Variants in DTX1 observed in about 807,000 individuals in gnomAD.
DTX1 encodes deltex E3 ubiquitin ligase 1.
Under a neutral mutation model 57.8 loss-of-function variants are expected in DTX1, and 26 were observed. The observed-to-expected ratio is 0.45, with a 90% CI of 0.33 to 0.62. The LOEUF (loss-of-function observed/expected upper bound fraction) is 0.62, where lower values mean the gene tolerates loss of function less well. DTX1 is among the 20% of genes least tolerant of loss of function. The pLI is 0.02. For missense variants in DTX1, 704 were observed against 895.3 expected (o/e 0.79, Z 2.73); for synonymous variants, 398 against 394.1 (o/e 1.01, Z -0.12).
chr12:113,080,661 A>C (rs951332930), intron 3 of DTX1, among the ~76,000 whole-genome samples: 5 of 152,148 alleles, frequency 3.3e-5, no homozygotes, highest in African/African-American at 1.2e-4. Flanking sequence ...TGGCATGTGT[A>C]ATACATAGTA....
At position 113,093,437 on chromosome 12, in the gene DTX1, A is replaced by AACC; in HGVS notation, c.1004-102_1004-101insACC. The stretch of plus-strand genomic sequence containing the variant: ...TGAGTGGGTGGGGCCCAAGAGCGCA[A>AACC]CCCTCCCACCCACCCGAGGGCCCCG... On this transcript the variant is annotated intron_variant, in intron 4 of 9. Transcript: ENST00000548759. This position sits in a 1 kb window ranked among gnomAD's most constrained non-coding sequence, Gnocchi z 4.2. The AACC allele has an allele frequency of 1.8e-6, 1 of 552,150 alleles. No individual in the cohort carries two copies. The highest frequency in any genetic ancestry group is 3.1e-6 in the Non-Finnish European group (1 of 319,676). 34.2% of individuals were successfully genotyped at this position (552,150 alleles called of 1,614,324 possible).
chr12:113,093,452 C>CCCCCA lies in DTX1; in HGVS notation c.1004-87_1004-86insCCCCA. On this transcript the variant is annotated intron_variant, in intron 4 of 9. Coordinates refer to ENST00000548759, the MANE Select transcript of DTX1 (RefSeq NM_004416.3). The surrounding 1 kb of genome is among the most constrained non-coding windows in gnomAD (Gnocchi z 4.2). ...CAAGAGCGCAACCCTCCCACCCACC[C>CCCCCA]GAGGGCCCCGGGATTCCCAGGGCCA... 9 of 1,153,924 alleles carry CCCCCA rather than the reference C, an allele frequency of 7.8e-6. No homozygotes were observed. Among genetic ancestry groups the CCCCCA allele is most frequent in the African/African-American group, 1.6e-5 (1 of 63,624 alleles). The allele number at this position is 1,153,924 out of a possible 1,614,324, so 71.5% of individuals were successfully genotyped here.
chr12:113,096,408 C>G (rs1950292608), intron 9 of DTX1, among the ~76,000 whole-genome samples: 2 of 133,208 alleles, frequency 1.5e-5, no homozygotes, highest in African/African-American at 2.9e-5. Context: ...CTGCTGCACT[C>G]CAGCCTGAGC....
At chr12:113,088,979 C>T (rs1950226660) in intron 3 of DTX1, among the ~76,000 whole-genome samples, 1 of 152,182 alleles carries the variant, frequency 6.6e-6, no homozygotes, top group Non-Finnish European at 1.5e-5. Context: ...TAAGCCACTG[C>T]ACTCTAGCCA....
rs1049650930 is a variant in DTX1 at position 113,097,930 on chromosome 12, T to C, written c.*991T>C. On this transcript the variant is annotated 3_prime_UTR_variant, in exon 10 of 10. Coordinates refer to ENST00000548759, the MANE Select transcript of DTX1 (RefSeq NM_004416.3). ...CGCCTCTGCTGATTGGCTGCCACGG[T>C]GGGAGTCAGCCAAGATTTAAAGGGA... 8 of 152,704 alleles carry C rather than the reference T, an allele frequency of 5.2e-5. No individual in the cohort carries two copies. The highest frequency in any genetic ancestry group is 1.9e-4 in the African/African-American group (8 of 41,468). 9.5% of individuals were successfully genotyped at this position (152,704 alleles called of 1,614,324 possible). A position where few individuals can be genotyped will look rare whatever the true frequency, so the allele number is the denominator to read the frequency against.
At chr12:113,069,766 G>A (rs552249058) in intron 2 of DTX1, among the ~76,000 whole-genome samples, 2 of 152,156 alleles carry the variant, frequency 1.3e-5, no homozygotes, top group Non-Finnish European at 2.9e-5. Flanking sequence ...GCTGCTGTGA[G>A]GACTGGGAGA....
At chr12:113,070,569 G>A (rs2044731876) in intron 2 of DTX1, among the ~76,000 whole-genome samples, 1 of 152,198 alleles carries the variant, frequency 6.6e-6, no homozygotes, top group Non-Finnish European at 1.5e-5. Flanking sequence ...CCTTCTCCAT[G>A]GAGTCAGCTG....
intron 2 of DTX1, among the ~76,000 whole-genome samples, chr12:113,073,239 C>T (rs2044749111): frequency 6.6e-6 from 1 of 152,172 alleles, no homozygotes; most frequent in Non-Finnish European, 1.5e-5. Flanking sequence ...ATCACAACCC[C>T]TCATTTTGCA....
At chr12:113,078,541 TG>T (rs1284279683) in intron 3 of DTX1, among the ~76,000 whole-genome samples, 1 of 152,230 alleles carries the variant, frequency 6.6e-6, no homozygotes, top group Non-Finnish European at 1.5e-5. Flanking sequence ...AGGAGAGCTA[TG>T]GTGCCTTCTC....
In DTX1 at chr12:113,096,928, G is replaced by A; in HGVS notation, c.1852G>A (p.Ala618Thr). ...AGCCCAGGGCGTATCCGAGGCTGCAGCCAAGGCTTGAGGCCCAAGGCTGCC... is the reference window on the plus strand; with the variant it reads ...AGCCCAGGGCGTATCCGAGGCTGCAACCAAGGCTTGAGGCCCAAGGCTGCC... ...LTAQGVSEAA[A>T]KA Residue 618 changes from alanine (A) to threonine (T), a missense_variant, in exon 10 of 10, where the codon GCC becomes ACC. This residue lies in a region of DTX1 where 168 missense variants were observed against 255.6 expected (regional missense o/e 0.66). Coordinates refer to ENST00000548759, the MANE Select transcript of DTX1 (RefSeq NM_004416.3). 6.2e-7 allele frequency: 1 copy of A among 1,610,694 alleles called. No homozygotes were observed. The highest frequency in any genetic ancestry group is 8.5e-7 in the Non-Finnish European group (1 of 1,179,700).
intron 2 of DTX1, among the ~76,000 whole-genome samples, chr12:113,065,953 G>A (rs561699625): frequency 5.3e-5 from 8 of 152,230 alleles, no homozygotes; most frequent in Admixed American, 1.3e-4. Flanking sequence ...CCAGGCCTCC[G>A]CCCGCCACCT....
intron 3 of DTX1, among the ~76,000 whole-genome samples, chr12:113,081,362 C>A (rs964684627): frequency 3.3e-5 from 5 of 152,156 alleles, no homozygotes; most frequent in Admixed American, 2.0e-4. Context: ...GATTTGAAAG[C>A]TACTGTTCTA....
chr12:113,078,641 G>A (rs11066490), intron 3 of DTX1, among the ~76,000 whole-genome samples: 6,665 of 152,206 alleles, frequency 0.044, 189 homozygotes, highest in Non-Finnish European at 0.055. Flanking sequence ...CAGGGTCACC[G>A]GGGAAGGGTA....
In DTX1 at chr12:113,058,084, C is replaced by T. The variant is rs1050715444; in HGVS notation, c.-109C>T. 18 of 1,428,366 alleles carry T rather than the reference C, an allele frequency of 1.3e-5. No homozygotes were observed. The Admixed American group carries it at 2.0e-4, about 16-fold the overall frequency. 88.5% of individuals were successfully genotyped at this position (1,428,366 alleles called of 1,614,324 possible). A position where few individuals can be genotyped will look rare whatever the true frequency, so the allele number is the denominator to read the frequency against. On this transcript the variant is annotated 5_prime_UTR_variant, in exon 2 of 10. In the 5' UTR this introduces an upstream ATG that the reference lacks. Coordinates refer to ENST00000548759, the MANE Select transcript of DTX1 (RefSeq NM_004416.3). Reference sequence around the variant, plus strand: ...ACCCAGAGTTAGAAAGGAGGCCAGACGGTCCTTGCTGTCCCCCTGGGGAGA... The same window carrying T: ...ACCCAGAGTTAGAAAGGAGGCCAGATGGTCCTTGCTGTCCCCCTGGGGAGA...
At chr12:113,086,408 G>C (rs1258395622) in intron 3 of DTX1, among the ~76,000 whole-genome samples, 1 of 152,180 alleles carries the variant, frequency 6.6e-6, no homozygotes, top group Non-Finnish European at 1.5e-5. Context: ...CAATCGGTGG[G>C]AAAGAAGTAA....
intron 2 of DTX1, among the ~76,000 whole-genome samples, chr12:113,066,536 A>T (rs573909763): frequency 2.0e-5 from 3 of 152,110 alleles, no homozygotes; most frequent in African/African-American, 7.2e-5. Flanking sequence ...TCAAAAAAAA[A>T]AAAAAGAATC....
chr12:113,087,362 G>A (rs908440282), intron 3 of DTX1, among the ~76,000 whole-genome samples: 1 of 152,182 alleles, frequency 6.6e-6, no homozygotes, highest in Non-Finnish European at 1.5e-5. Context: ...AAGGGGAAGT[G>A]AGGACCCCAG....
In DTX1 at chr12:113,057,977, A is replaced by G; in HGVS notation, c.-216A>G. The G allele has an allele frequency of 1.5e-6, 1 of 680,280 alleles. No homozygotes were observed. Among genetic ancestry groups the G allele is most frequent in the Non-Finnish European group, 2.4e-6 (1 of 419,546 alleles). 42.1% of individuals were successfully genotyped at this position (680,280 alleles called of 1,614,324 possible). A position where few individuals can be genotyped will look rare whatever the true frequency, so the allele number is the denominator to read the frequency against. On this transcript the variant is annotated 5_prime_UTR_variant, in exon 2 of 10. Transcript: ENST00000548759. ...TCCAGGGCAGCACCCTTTATCGGAG[A>G]AGGCTCTACAGGGAAGGGGTCTTTG... is the stretch of plus-strand genomic sequence containing the variant.
intron 2 of DTX1, among the ~76,000 whole-genome samples, chr12:113,069,076 G>A (rs1566014708): frequency 6.6e-6 from 1 of 152,192 alleles, no homozygotes; most frequent in Admixed American, 6.5e-5. Context: ...TGGCTGAAGA[G>A]TTGACTTACA....
Sources: allele counts gnomAD v4.1 joint callset (sites outside exome capture counted in the v4.1 genomes callset), GRCh38; gene constraint gnomAD v4.1.1; regional missense constraint gnomAD v4.1.1; non-coding constraint Gnocchi (gnomAD v3.1); transcripts MANE v1.5; gene names NCBI Gene and HGNC (gene_info 2026-07-23, HGNC 2026-07-21).